MCC: variants seen among roughly 807,000 people sequenced by gnomAD.
MCC encodes the protein colorectal mutant cancer protein.
A neutral mutation model predicts 116.2 loss-of-function variants in MCC; 90 were observed. The observed-to-expected ratio is 0.77, with a 90% CI of 0.65 to 0.92. The LOEUF (loss-of-function observed/expected upper bound fraction) is 0.92. Among genes scored for constraint, MCC ranks in the 40% least tolerant of loss-of-function variants. MCC has a pLI of 0.00. For missense variants in MCC, 1,516 were observed against 1,312.2 expected, an observed-to-expected ratio of 1.16 and a Z score of -2.40; for synonymous variants, 578 against 510.5, an observed-to-expected ratio of 1.13 and a Z score of -1.78.
At chr5:113,074,707 C>G (rs925072330) in intron 11 of MCC, among the ~76,000 whole-genome samples, 13 of 152,184 alleles carry the variant, frequency 8.5e-5, no homozygotes, top group African/African-American at 3.1e-4. Context: ...CCTGAAGGAG[C>G]TGAAAACCAC....
At chr5:113,135,321 G>A (rs145631895) in intron 5 of MCC, among the ~76,000 whole-genome samples, 23,035 of 145,984 alleles carry the variant, frequency 0.16, 2,246 homozygotes, top group African/African-American at 0.26. Flanking sequence ...TTGGGAGGCC[G>A]AGGCGGGTGG....
At chr5:113,395,353 C>T (rs1478574685) in intron 1 of MCC, among the ~76,000 whole-genome samples, 1 of 152,026 alleles carries the variant, frequency 6.6e-6, no homozygotes, top group Non-Finnish European at 1.5e-5. Context: ...AACTTGGGAC[C>T]CTAAATTCAC....
chr5:113,245,372 T>C (rs147336425), intron 3 of MCC, among the ~76,000 whole-genome samples: 160 of 152,092 alleles, frequency 1.1e-3, no homozygotes, highest in African/African-American at 3.6e-3. Flanking sequence ...AAATATCTTA[T>C]GTCCTCTCTC....
chr5:113,300,247 G>A (rs1766829686), intron 3 of MCC, among the ~76,000 whole-genome samples: 2 of 152,084 alleles, frequency 1.3e-5, no homozygotes, highest in African/African-American at 4.8e-5. Flanking sequence ...GAATTAGTTG[G>A]CCTGGTCCAC....
chr5:113,220,132 A>G (rs1763492324), intron 3 of MCC, among the ~76,000 whole-genome samples: 1 of 61,832 alleles, frequency 1.6e-5, no homozygotes, highest in African/African-American at 2.8e-5. Flanking sequence ...ATCTCGGCTC[A>G]CTGCAAGCTC....
intron 13 of MCC, among the ~76,000 whole-genome samples, chr5:113,065,939 G>A (rs990889410): frequency 3.3e-5 from 5 of 152,162 alleles, no homozygotes; most frequent in Non-Finnish European, 7.3e-5. Flanking sequence ...CATTCTGCAG[G>A]CCAAAAATCC....
Position 113,027,164 on chromosome 5 carries a change from C to CA in MCC, c.*137dup. The CA allele has an allele frequency of 1.2e-6, 1 of 804,928 alleles. No individual in the cohort carries two copies. The highest frequency in any genetic ancestry group is 2.7e-5 in the East Asian group (1 of 37,544). The allele number at this position is 804,928 out of a possible 1,614,324, so 49.9% of individuals were successfully genotyped here. On this transcript the variant is annotated 3_prime_UTR_variant, in exon 19 of 19. Coordinates refer to ENST00000408903, the MANE Select transcript of MCC (RefSeq NM_001085377.2). ...AGTCGCCCCAAGGGTTGAGTTGGGG[C>CA]ACTCCATTGTCCAAGTGCCGACCTA...
chr5:113,454,087 G>A (rs1481318458), intron 1 of MCC, among the ~76,000 whole-genome samples: 1 of 151,978 alleles, frequency 6.6e-6, no homozygotes, highest in Non-Finnish European at 1.5e-5. Flanking sequence ...CTCCAGCCTG[G>A]GCAACAAGAG....
chr5:113,375,930 A>T (rs575651054), intron 2 of MCC, among the ~76,000 whole-genome samples: 1 of 152,230 alleles, frequency 6.6e-6, no homozygotes, highest in Non-Finnish European at 1.5e-5. Context: ...ATGTTTTTCA[A>T]TCAGCCACAT....
chr5:113,452,714 T>C (rs1771436159), intron 1 of MCC, among the ~76,000 whole-genome samples: 1 of 152,242 alleles, frequency 6.6e-6, no homozygotes, highest in Admixed American at 6.5e-5. Context: ...AGGGCATAGT[T>C]GGAACTCAGA....
Position 113,054,517 on chromosome 5 carries a change from G to A in MCC, c.2214-558C>T, listed in dbSNP as rs140615458. Among the ~76,000 whole-genome samples the A allele has an allele frequency of 1.9e-3, 286 of 152,390 alleles. 1 individual carries two copies. Among genetic ancestry groups the A allele is most frequent in the Admixed American group, 4.9e-3 (75 of 15,310 alleles). On this transcript the variant is annotated intron_variant, in intron 14 of 18. Coordinates refer to ENST00000408903, the MANE Select transcript of MCC (RefSeq NM_001085377.2). ...ACAGATGCGTGTCACACCCTCGCAC[G>A]TGTACGCAGGTGTCCCAGGCTGTGG... is the stretch of plus-strand genomic sequence containing the variant.
intron 7 of MCC, among the ~76,000 whole-genome samples, chr5:113,102,895 C>A (rs1199101931): frequency 6.6e-6 from 1 of 152,194 alleles, no homozygotes; most frequent in Non-Finnish European, 1.5e-5. Flanking sequence ...GCGGGTGGAT[C>A]ACCTGAGGTC....
chr5:113,458,343 C>CTG (rs1771639500), intron 1 of MCC, among the ~76,000 whole-genome samples: 1 of 151,970 alleles, frequency 6.6e-6, no homozygotes, highest in African/African-American at 2.4e-5. Context: ...GCCTTAAGAG[C>CTG]TGTAACACTC....
intron 3 of MCC, among the ~76,000 whole-genome samples, chr5:113,155,855 G>C (rs966818706): frequency 1.3e-5 from 2 of 152,176 alleles, no homozygotes; most frequent in African/African-American, 4.8e-5. Flanking sequence ...TTTCTGCTCA[G>C]CGAAAATATT....
At chr5:113,417,649 T>C (rs990346674) in intron 1 of MCC, among the ~76,000 whole-genome samples, 5 of 152,142 alleles carry the variant, frequency 3.3e-5, no homozygotes, top group African/African-American at 1.2e-4. Context: ...CATTAAAATA[T>C]CATACAAGGC....
intron 3 of MCC, among the ~76,000 whole-genome samples, chr5:113,260,845 A>T (rs961915566): frequency 3.0e-4 from 46 of 152,120 alleles, no homozygotes; most frequent in African/African-American, 1.1e-3. Flanking sequence ...CAGGGTTGCA[A>T]ATATGAGTTT....
intron 6 of MCC, among the ~76,000 whole-genome samples, chr5:113,109,570 G>A (rs145999826): frequency 1.6e-4 from 24 of 152,214 alleles, no homozygotes; most frequent in African/African-American, 5.5e-4. Context: ...ATGGGTGGTG[G>A]TGATGGTCAC....
intron 3 of MCC, among the ~76,000 whole-genome samples, chr5:113,180,292 A>G (rs1761555189): frequency 6.6e-6 from 1 of 152,092 alleles, no homozygotes; most frequent in African/African-American, 2.4e-5. Context: ...TATAATAATA[A>G]TCTTATACAT....
rs150201141 is a variant in MCC, at chr5:113,183,656, G to A, written c.628-32234C>T. Reference sequence around the variant, plus strand: ...ACACAGCAGGATGAGAGTCTCATACGCAGAGAGAGTTGGGCATCTGGAGAA... The same window carrying A: ...ACACAGCAGGATGAGAGTCTCATACACAGAGAGAGTTGGGCATCTGGAGAA... On this transcript the variant is annotated intron_variant, in intron 3 of 18. Transcript: ENST00000408903. 1.9e-3 allele frequency among the ~76,000 whole-genome samples: 296 copies of A among 152,250 alleles called. 1 individual carries two copies. The highest frequency in any genetic ancestry group is 6.9e-3 in the African/African-American group (287 of 41,530).
Sources: gnomAD v4.1 joint callset for allele counts (sites outside exome capture counted in the v4.1 genomes callset) on GRCh38, gnomAD v4.1.1 for gene constraint, MANE v1.5 for transcripts, NCBI Gene and HGNC (gene_info 2026-07-23, HGNC 2026-07-21) for gene names.